Variants in MED14 observed in about 807,000 individuals in gnomAD.
MED14 encodes the protein mediator of RNA polymerase II transcription subunit 14.
Under a neutral mutation model 109.0 loss-of-function variants are expected in MED14, and 8 were observed. That is an observed-to-expected ratio of 0.07 (90% CI 0.04 to 0.13). The LOEUF (loss-of-function observed/expected upper bound fraction) is 0.13, where lower values mean the gene tolerates loss of function less well. Ranked by LOEUF, MED14 falls within the 10% of genes least tolerant of loss-of-function variation. MED14 has a pLI of 1.00. For synonymous variants in MED14, 399 were observed against 408.7 expected (o/e 0.98, Z 0.29); for missense variants, 711 against 1,142.4 (o/e 0.62, Z 5.44).
rs1181486352 is a variant in MED14 at position 40,650,434 on chromosome X, A to T, written c.*1372T>A. On this transcript the variant is annotated 3_prime_UTR_variant, in exon 31 of 31. Coordinates refer to ENST00000324817, the MANE Select transcript of MED14 (RefSeq NM_004229.4). ...AATTAAATCATCTTGAAGTGGAATT[A>T]GACAAAGCATCTACATTTTAATGGA... is the stretch of plus-strand genomic sequence containing the variant. 1.3e-6 allele frequency: 1 copy of T among 752,780 alleles called. No homozygotes were observed. The highest frequency in any genetic ancestry group is 2.3e-5 in the African/African-American group (1 of 43,368). 62.0% of individuals were successfully genotyped at this position (752,780 alleles called of 1,213,427 possible).
At chrX:40,712,848 T>A in intron 6 of MED14, 66 bp downstream of exon 6, 3 of 1,009,445 alleles carry the variant, frequency 3.0e-6, no homozygotes, top group Non-Finnish European at 2.6e-6. Context: ...CGGGAATATT[T>A]CAATAATATA....
chrX:40,680,183 A>C (rs1419400574), intron 20 of MED14, 50 bp from the exon 21 acceptor site: 10 of 1,140,667 alleles, frequency 8.8e-6, no homozygotes, highest in Non-Finnish European at 1.2e-6. Flanking sequence ...ACAAATGTTA[A>C]AACCTCAGAA....
At chrX:40,699,030 G>C (rs765599471) in intron 12 of MED14, among the ~76,000 whole-genome samples, 44 of 112,257 alleles carry the variant, frequency 3.9e-4, no homozygotes, top group Non-Finnish European at 7.0e-4. Context: ...ATCAATTGAT[G>C]AATGGATAAA....
intron 12 of MED14, 56 bp from the exon 13 acceptor site, chrX:40,697,239 C>T (rs908168113): frequency 7.7e-5 from 59 of 770,508 alleles, no homozygotes; most frequent in African/African-American, 1.3e-4. Flanking sequence ...ATTATCTGTG[C>T]CCTATCGATT....
At chrX:40,735,658 G>A, upstream of MED14, 1 of 490,844 alleles carries the variant, frequency 2.0e-6, no homozygotes, top group Non-Finnish European at 3.7e-6. Flanking sequence ...GGGCGGCCCC[G>A]CAGAGGGGAA....
At chrX:40,695,459 C>T (rs1002595354) in intron 13 of MED14, among the ~76,000 whole-genome samples, 3 of 111,823 alleles carry the variant, frequency 2.7e-5, no homozygotes, top group Non-Finnish European at 3.8e-5. Context: ...ATCTAGAGGA[C>T]GAGGAATAAT....
chrX:40,689,241 G>A (rs1034173111), intron 15 of MED14, among the ~76,000 whole-genome samples: 1 of 112,115 alleles, frequency 8.9e-6, no homozygotes, highest in African/African-American at 3.2e-5. Context: ...AAGGATTTAA[G>A]GAAGTTCCAG....
intron 3 of MED14, among the ~76,000 whole-genome samples, chrX:40,724,254 C>T (rs1236859399): frequency 3.6e-5 from 4 of 112,419 alleles, no homozygotes; most frequent in Admixed American, 9.4e-5. Flanking sequence ...TTCAACACCC[C>T]GCTTTCAGCA....
rs1465021782 is a variant in MED14, at chrX:40,688,484, T to C, written c.2027A>G (p.Asp676Gly). The change falls in exon 16 of 31, where the codon GAT becomes GGT. Residue 676 changes from aspartate to glycine, a missense_variant. Transcript: ENST00000324817. ...IPHQGVQVEGDGFSHAIRLLK... is the reference protein window; with the variant it reads ...IPHQGVQVEGGGFSHAIRLLK... ...TAAGCGAATTGCATGGCTGAAGCCATCACCTTCCACTTGCACTCCTTGATG... is the reference window on the plus strand; with the variant it reads ...TAAGCGAATTGCATGGCTGAAGCCACCACCTTCCACTTGCACTCCTTGATG... 1 of 1,208,431 alleles carries C rather than the reference T, an allele frequency of 8.3e-7. No homozygotes were observed. The highest frequency in any genetic ancestry group is 1.8e-5 in the South Asian group (1 of 56,914).
At chrX:40,670,427 A>G (rs1929678868) in intron 23 of MED14, among the ~76,000 whole-genome samples, 1 of 112,810 alleles carries the variant, frequency 8.9e-6, no homozygotes, top group South Asian at 3.6e-4. Flanking sequence ...AATTTCTCAT[A>G]TATAGACACA....
chrX:40,705,484 C>T (rs1227845977), intron 10 of MED14, among the ~76,000 whole-genome samples: 1 of 111,587 alleles, frequency 9.0e-6, no homozygotes, highest in Non-Finnish European at 1.9e-5. Flanking sequence ...CTACCAATGT[C>T]CATATTTTTC....
At chrX:40,682,788 C>CA (rs746365630) in intron 17 of MED14, 39 bp from the exon 18 acceptor site, 4 of 1,202,914 alleles carry the variant, frequency 3.3e-6, no homozygotes, top group African/African-American at 3.5e-5. Flanking sequence ...TAATCGATAC[C>CA]AAAAAAATCC....
At chrX:40,707,232 A>G (rs1931184819) in intron 10 of MED14, among the ~76,000 whole-genome samples, 2 of 112,369 alleles carry the variant, frequency 1.8e-5, no homozygotes, top group Non-Finnish European at 3.8e-5. Context: ...TGACAAGACA[A>G]TTAAACAGGA....
intron 26 of MED14, among the ~76,000 whole-genome samples, chrX:40,661,153 C>T (rs1302223624): frequency 1.8e-5 from 2 of 112,603 alleles, no homozygotes; most frequent in Non-Finnish European, 3.8e-5. Flanking sequence ...ACGATCTCGG[C>T]TCACTGCAAC....
chrX:40,699,892 T>C (rs1223131812), intron 12 of MED14, among the ~76,000 whole-genome samples: 2 of 111,411 alleles, frequency 1.8e-5, no homozygotes, highest in African/African-American at 6.5e-5. Flanking sequence ...ACGCCTGTAA[T>C]CCCAGTACTT....
chrX:40,697,627 C>T (rs1431144873), intron 12 of MED14, among the ~76,000 whole-genome samples: 1 of 112,093 alleles, frequency 8.9e-6, no homozygotes, highest in Non-Finnish European at 1.9e-5. Flanking sequence ...AGGTAAGCTG[C>T]CAGATTTCAC....
At position 40,680,888 on chromosome X, in the gene MED14, A is replaced by G. The variant is rs756719301; in HGVS notation, c.2480T>C (p.Ile827Thr). The change falls in exon 20 of 31, where the codon ATC becomes ACC. Residue 827 changes from isoleucine (I) to threonine (T), a missense_variant. Ile to Thr is a moderately conservative substitution (Grantham distance 89, BLOSUM62 -1). Around this residue, in one of 8 missense-constraint regions of MED14, gnomAD observed 388 missense variants for 517.3 expected, o/e 0.75. Transcript: ENST00000324817. ...GSSISIQWNS[I>T]HQKFHISLGT... ...CAAAGAAATGTGGAATTTTTGATGG[A>G]TCGAATTCCATTGGATACTAATCTA... 1.8e-5 allele frequency: 21 copies of G among 1,182,449 alleles called. No individual in the cohort carries two copies. Among genetic ancestry groups the G allele is most frequent in the Non-Finnish European group, 2.3e-5 (20 of 870,970 alleles).
chrX:40,668,216 C>G (rs1039666458), intron 23 of MED14, among the ~76,000 whole-genome samples: 1 of 110,040 alleles, frequency 9.1e-6, no homozygotes, highest in Admixed American at 9.6e-5. Flanking sequence ...AACCCCGTCT[C>G]TACTAAAAAT....
At chrX:40,670,200 G>C (rs1020790220) in intron 23 of MED14, among the ~76,000 whole-genome samples, 48 of 111,980 alleles carry the variant, frequency 4.3e-4, no homozygotes, top group African/African-American at 1.6e-3. Context: ...GCCCAATCTG[G>C]GCAACAAGAC....
Sources: allele counts gnomAD v4.1 joint callset (sites outside exome capture counted in the v4.1 genomes callset), GRCh38; gene constraint gnomAD v4.1.1; regional missense constraint gnomAD v4.1.1; transcripts MANE v1.5; gene names NCBI Gene and HGNC (gene_info 2026-07-23, HGNC 2026-07-21).